AUH: variants seen among roughly 807,000 people sequenced by gnomAD.
The protein encoded by AUH is methylglutaconyl-CoA hydratase, mitochondrial.
Under a neutral mutation model 42.3 loss-of-function variants are expected in AUH, and 29 were observed. That is an observed-to-expected ratio of 0.69 (90% CI 0.51 to 0.93). The LOEUF is 0.93. Among genes scored for constraint, AUH ranks in the 40% least tolerant of loss-of-function variants. The probability of loss-of-function intolerance (pLI) is 0.00; values close to 1 mark genes in which losing one functional copy is unlikely to be tolerated. For missense variants in AUH, 452 were observed against 438.1 expected, an observed-to-expected ratio of 1.03 and a Z score of -0.28; for synonymous variants, 174 against 166.4, an observed-to-expected ratio of 1.05 and a Z score of -0.35.
At chr9:91,325,915 G>T (rs529236804) in intron 3 of AUH, among the ~76,000 whole-genome samples, 2 of 152,140 alleles carry the variant, frequency 1.3e-5, no homozygotes, top group Non-Finnish European at 2.9e-5. Flanking sequence ...CAGTCCTTTT[G>T]ACTTCATGGA....
chr9:91,290,472 T>C (rs1052653488), intron 6 of AUH, among the ~76,000 whole-genome samples: 1 of 152,224 alleles, frequency 6.6e-6, no homozygotes, highest in Non-Finnish European at 1.5e-5. Flanking sequence ...TACATGGGAA[T>C]ATGTCAAAGC....
chr9:91,222,693 G>A (rs1392703861), intron 6 of AUH, among the ~76,000 whole-genome samples: 3 of 152,272 alleles, frequency 2.0e-5, no homozygotes, highest in Non-Finnish European at 4.4e-5. Flanking sequence ...CAGCTGATTA[G>A]AACACAGATA....
intron 6 of AUH, among the ~76,000 whole-genome samples, chr9:91,226,111 C>T (rs1827455018): frequency 2.0e-5 from 3 of 148,206 alleles, no homozygotes; most frequent in South Asian, 4.3e-4. Context: ...TTCTAGATCC[C>T]TGAGGAATCA....
At chr9:91,354,676 A>AT (rs1564132563) in intron 3 of AUH, among the ~76,000 whole-genome samples, 1 of 152,190 alleles carries the variant, frequency 6.6e-6, no homozygotes, top group Non-Finnish European at 1.5e-5. Context: ...ACTAACACTT[A>AT]TTTTTAAAAT....
chr9:91,234,527 A>G (rs1828069222), intron 6 of AUH, among the ~76,000 whole-genome samples: 1 of 152,130 alleles, frequency 6.6e-6, no homozygotes, highest in Non-Finnish European at 1.5e-5. Flanking sequence ...TACTCTCCAA[A>G]AAGACGAATC....
chr9:91,287,302 C>CT (rs1456885293), intron 6 of AUH, among the ~76,000 whole-genome samples: 1 of 152,072 alleles, frequency 6.6e-6, no homozygotes, highest in Non-Finnish European at 1.5e-5. Flanking sequence ...GACTGGCACT[C>CT]TTCTAAATTG....
At chr9:91,332,079 T>C (rs983328522) in intron 3 of AUH, among the ~76,000 whole-genome samples, 7 of 152,240 alleles carry the variant, frequency 4.6e-5, no homozygotes, top group Admixed American at 4.6e-4. Flanking sequence ...TTTAAGTAGT[T>C]TGAAAGATTT....
At chr9:91,358,253 A>G (rs577314249) in intron 1 of AUH, among the ~76,000 whole-genome samples, 1 of 152,318 alleles carries the variant, frequency 6.6e-6, no homozygotes, top group South Asian at 2.1e-4. Flanking sequence ...TCATAAAACT[A>G]CCAAGGTGAG....
At position 91,217,169 on chromosome 9, in the gene AUH, A is replaced by C. The variant is rs1249298200; in HGVS notation, c.894+108T>G. 5 of 1,176,082 alleles carry C rather than the reference A, an allele frequency of 4.3e-6. No homozygotes were observed. The Admixed American group carries it at 6.0e-5, about 14-fold the overall frequency. 72.9% of individuals were successfully genotyped at this position (1,176,082 alleles called of 1,614,324 possible). A position where few individuals can be genotyped will look rare whatever the true frequency, so the allele number is the denominator to read the frequency against. On this transcript the variant is annotated intron_variant, in intron 8 of 9. Transcript: ENST00000375731. ...CTTTCAGTAATAGTAGCATTTAAAC[A>C]ACCATATTTTAGAACTTTAAAAAAA...
chr9:91,291,677 C>T (rs959631697), intron 6 of AUH, among the ~76,000 whole-genome samples: 1 of 152,170 alleles, frequency 6.6e-6, no homozygotes, highest in Middle Eastern at 3.2e-3. Flanking sequence ...TCTTCAATTT[C>T]ACTGTAACCT....
chr9:91,281,707 G>C (rs887456287), intron 6 of AUH, among the ~76,000 whole-genome samples: 1 of 151,880 alleles, frequency 6.6e-6, no homozygotes. Context: ...TCTTTACATC[G>C]GTTTCTTTTA....
At chr9:91,266,026 T>C (rs982797437) in intron 6 of AUH, among the ~76,000 whole-genome samples, 19 of 152,178 alleles carry the variant, frequency 1.2e-4, no homozygotes, top group African/African-American at 4.1e-4. Context: ...CAGTAACTAG[T>C]CTGCTTTCTT....
At chr9:91,314,137 G>A (rs114047734) in intron 4 of AUH, among the ~76,000 whole-genome samples, 1 of 152,054 alleles carries the variant, frequency 6.6e-6, no homozygotes, top group East Asian at 1.9e-4. Flanking sequence ...AACGCATTTT[G>A]TTAGACATGC....
intron 4 of AUH, among the ~76,000 whole-genome samples, chr9:91,310,323 T>C (rs1256303448): frequency 6.6e-6 from 1 of 152,178 alleles, no homozygotes; most frequent in Non-Finnish European, 1.5e-5. Context: ...AGGAAAGGGA[T>C]TGCAAGAGAA....
At position 91,327,923 on chromosome 9, in the gene AUH, T is replaced by C. The variant is rs116146599; in HGVS notation, c.419-2519A>G. On this transcript the variant is annotated intron_variant, in intron 3 of 9. Transcript: ENST00000375731. ...CGGTGCCTGACATGGAAGTCATTCA[T>C]GGCATGCCCAGTCCAGCCTCAAGCT... Among the ~76,000 whole-genome samples the C allele has an allele frequency of 8.4e-4, 128 of 152,292 alleles. 1 individual carries two copies. Among genetic ancestry groups the C allele is most frequent in the African/African-American group, 2.9e-3 (120 of 41,564 alleles).
chr9:91,346,542 G>A (rs1046519649), intron 3 of AUH, among the ~76,000 whole-genome samples: 3 of 152,234 alleles, frequency 2.0e-5, no homozygotes, highest in African/African-American at 4.8e-5. Flanking sequence ...CCTGAGTTTC[G>A]TGAGATGCTC....
At chr9:91,243,626 T>C (rs1217034222) in intron 6 of AUH, among the ~76,000 whole-genome samples, 1 of 152,230 alleles carries the variant, frequency 6.6e-6, no homozygotes, top group Non-Finnish European at 1.5e-5. Flanking sequence ...ACGTGAAAGA[T>C]GTGGAACTGA....
At chr9:91,295,733 T>C (rs1005095376) in intron 6 of AUH, among the ~76,000 whole-genome samples, 2 of 152,252 alleles carry the variant, frequency 1.3e-5, no homozygotes, top group East Asian at 3.8e-4. Context: ...TTAGACATAA[T>C]GGTACTGCAT....
intron 6 of AUH, among the ~76,000 whole-genome samples, chr9:91,241,955 T>C (rs1267929359): frequency 6.6e-6 from 1 of 152,230 alleles, no homozygotes; most frequent in Non-Finnish European, 1.5e-5. Context: ...GCACTACAAG[T>C]TACTCTAAAA....
Sources: allele counts gnomAD v4.1 joint callset (sites outside exome capture counted in the v4.1 genomes callset), GRCh38; gene constraint gnomAD v4.1.1; transcripts MANE v1.5; gene names NCBI Gene and HGNC (gene_info 2026-07-23, HGNC 2026-07-21).